The following NEGR1 variants were observed in gnomAD, a reference collection of about 807,000 sequenced individuals.
NEGR1 encodes the protein neuronal growth regulator 1.
Under a neutral mutation model 40.9 loss-of-function variants are expected in NEGR1, and 10 were observed. The observed-to-expected ratio is 0.24, with a 90% confidence interval of 0.15 to 0.42. The LOEUF (loss-of-function observed/expected upper bound fraction) is 0.42. NEGR1 is among the 10% of genes least tolerant of loss of function. The probability of loss-of-function intolerance (pLI) is 1.00; values close to 1 mark genes in which losing one functional copy is unlikely to be tolerated. For missense variants in NEGR1, 352 were observed against 438.9 expected (o/e 0.80, Z 1.77); for synonymous variants, 185 against 166.8 (o/e 1.11, Z -0.84).
At chr1:71,929,732 G>GTTTTTTTTT (rs75644144) in intron 2 of NEGR1, among the ~76,000 whole-genome samples, 1 of 142,524 alleles carries the variant, frequency 7.0e-6, no homozygotes, top group Non-Finnish European at 1.5e-5. Context: ...CACCATTACT[G>GTTTTTTTTT]TTTTTTTTTT....
intron 1 of NEGR1, among the ~76,000 whole-genome samples, chr1:71,989,467 G>T (rs1646431270): frequency 6.6e-6 from 1 of 152,206 alleles, no homozygotes; most frequent in Admixed American, 6.5e-5. Flanking sequence ...GATCAATCCA[G>T]CAACTGCATT....
chr1:72,004,730 C>T (rs1486100), intron 1 of NEGR1, among the ~76,000 whole-genome samples: 1 of 152,044 alleles, frequency 6.6e-6, no homozygotes, highest in Admixed American at 6.5e-5. Flanking sequence ...CTATTATCTT[C>T]GTTTTTAACA....
chr1:71,721,392 A>G (rs1333716611), intron 3 of NEGR1, among the ~76,000 whole-genome samples: 1 of 152,186 alleles, frequency 6.6e-6, no homozygotes, highest in Admixed American at 6.6e-5. Context: ...ACTGAATGAC[A>G]AAACATTCTG....
chr1:71,863,636 C>T (rs1462590461), intron 2 of NEGR1, among the ~76,000 whole-genome samples: 1 of 152,096 alleles, frequency 6.6e-6, no homozygotes, highest in Non-Finnish European at 1.5e-5. Flanking sequence ...TGTGAATACA[C>T]AAGTAATTAG....
At chr1:72,277,487 C>A (rs1050662997) in intron 1 of NEGR1, among the ~76,000 whole-genome samples, 2 of 151,960 alleles carry the variant, frequency 1.3e-5, no homozygotes, top group African/African-American at 4.8e-5. Flanking sequence ...CTAAAAAGAT[C>A]GGGCAAAATA....
chr1:71,863,767 C>T (rs556567003), intron 2 of NEGR1, among the ~76,000 whole-genome samples: 3 of 152,022 alleles, frequency 2.0e-5, no homozygotes, highest in South Asian at 2.1e-4. Context: ...TGTTCCTGAG[C>T]GCCTTAGGGA....
intron 6 of NEGR1, among the ~76,000 whole-genome samples, chr1:71,491,295 T>G (rs1646926038): frequency 1.3e-5 from 2 of 152,020 alleles, no homozygotes; most frequent in Non-Finnish European, 2.9e-5. Flanking sequence ...CCACTTTACA[T>G]CAGGGACTTG....
At chr1:71,658,483 G>T (rs1016256197) in intron 4 of NEGR1, among the ~76,000 whole-genome samples, 57 of 152,100 alleles carry the variant, frequency 3.7e-4, no homozygotes, top group Admixed American at 3.7e-3. Flanking sequence ...AAAGGTGCCA[G>T]ATTTCTCAAT....
At chr1:71,658,678 G>T (rs899178268) in intron 4 of NEGR1, among the ~76,000 whole-genome samples, 1 of 152,142 alleles carries the variant, frequency 6.6e-6, no homozygotes, top group Non-Finnish European at 1.5e-5. Flanking sequence ...TAGACAATTA[G>T]AAAAGGGTAC....
chr1:71,794,832 T>TAAAC (rs757441576), intron 2 of NEGR1, among the ~76,000 whole-genome samples: 1 of 151,926 alleles, frequency 6.6e-6, no homozygotes, highest in Non-Finnish European at 1.5e-5. Flanking sequence ...CCAGAGAATT[T>TAAAC]AAACAAACAA....
chr1:71,468,694 G>A (rs1352691857), intron 6 of NEGR1: 4 of 151,934 alleles, frequency 2.6e-5, no homozygotes, highest in Non-Finnish European at 5.9e-5. Context: ...AATAAAGCAT[G>A]TTACTGAAGC....
At chr1:71,474,717 C>CAAAAAAA (rs56219737) in intron 6 of NEGR1, among the ~76,000 whole-genome samples, 96 of 85,898 alleles carry the variant, frequency 1.1e-3, no homozygotes, top group Non-Finnish European at 1.7e-3. Flanking sequence ...GACTCTATCT[C>CAAAAAAA]AAAAAAAAAA....
chr1:71,886,954 A>G (rs1355307652), intron 2 of NEGR1, among the ~76,000 whole-genome samples: 2 of 152,180 alleles, frequency 1.3e-5, no homozygotes, highest in East Asian at 3.9e-4. Flanking sequence ...AGCACTGAAC[A>G]CTGCACTGTT....
At chr1:71,716,255 C>T (rs977792839) in intron 3 of NEGR1, among the ~76,000 whole-genome samples, 4 of 152,176 alleles carry the variant, frequency 2.6e-5, no homozygotes, top group African/African-American at 7.2e-5. Context: ...CAACTGGTCT[C>T]GCCCTTGCTA....
chr1:72,157,147 T>C (rs904489666), intron 1 of NEGR1, among the ~76,000 whole-genome samples: 2 of 152,086 alleles, frequency 1.3e-5, no homozygotes, highest in Non-Finnish European at 2.9e-5. Flanking sequence ...TTTCGTTTTG[T>C]TTTTGTAGAG....
At chr1:71,579,165 C>T (rs1184463700) in intron 6 of NEGR1, among the ~76,000 whole-genome samples, 1 of 152,190 alleles carries the variant, frequency 6.6e-6, no homozygotes, top group African/African-American at 2.4e-5. Flanking sequence ...AAGCTAGCAT[C>T]TGCCTTTCTT....
At chr1:72,029,250 TGGGA>T (rs1477705955) in intron 1 of NEGR1, among the ~76,000 whole-genome samples, 1 of 151,952 alleles carries the variant, frequency 6.6e-6, no homozygotes. Flanking sequence ...GAGGCTAAGG[TGGGA>T]GGATCACTTG....
At position 72,012,841 on chromosome 1, in the gene NEGR1, A is replaced by G. The variant is rs185645441; in HGVS notation, c.177-77530T>C. 5.6e-3 allele frequency among the ~76,000 whole-genome samples: 695 copies of G among 124,946 alleles called. 2 individuals are homozygous for G. The highest frequency in any genetic ancestry group is 0.018 in the African/African-American group (636 of 35,614). 82.0% of individuals were successfully genotyped at this position (124,946 alleles called of 152,430 possible). ...TACACACACACACACATATATACAT[A>G]CATATATATATATATACACACACAC... On this transcript the variant is annotated intron_variant, in intron 1 of 6. Coordinates refer to ENST00000357731, the MANE Select transcript of NEGR1 (RefSeq NM_173808.3).
intron 1 of NEGR1, among the ~76,000 whole-genome samples, chr1:72,055,580 A>C (rs1211903324): frequency 6.6e-6 from 1 of 150,976 alleles, no homozygotes; most frequent in Non-Finnish European, 1.5e-5. Context: ...TAACATTTAG[A>C]AGCATCTGAA....
Sources: gnomAD v4.1 joint callset for allele counts (sites outside exome capture counted in the v4.1 genomes callset) on GRCh38, gnomAD v4.1.1 for gene constraint, MANE v1.5 for transcripts, NCBI Gene and HGNC (gene_info 2026-07-23, HGNC 2026-07-21) for gene names.